AHCYL2: variants seen among roughly 807,000 people sequenced by gnomAD.
AHCYL2 encodes the protein S-adenosylhomocysteine hydrolase-like protein 2.
A neutral mutation model predicts 81.4 loss-of-function variants in AHCYL2; 28 were observed. The ratio of observed to expected loss-of-function variants is 0.34; its 90% CI spans 0.25 to 0.47. AHCYL2 has a LOEUF of 0.47. Ranked by LOEUF, AHCYL2 falls within the 20% of genes least tolerant of loss-of-function variation. The pLI, the probability that AHCYL2 is intolerant of heterozygous loss-of-function variation, is 1.00. For missense variants in AHCYL2, 551 were observed against 785.1 expected (o/e 0.70, Z 3.56); for synonymous variants, 272 against 290.2 (o/e 0.94, Z 0.64).
chr7:129,418,999 G>C (rs1430413213), intron 12 of AHCYL2, among the ~76,000 whole-genome samples: 1 of 152,176 alleles, frequency 6.6e-6, no homozygotes, highest in Admixed American at 6.5e-5. Flanking sequence ...GAATGATTTG[G>C]TAAGTATCGA....
intron 1 of AHCYL2, among the ~76,000 whole-genome samples, chr7:129,257,084 A>C (rs1008055111): frequency 6.6e-6 from 1 of 152,148 alleles, no homozygotes; most frequent in Non-Finnish European, 1.5e-5. Context: ...CCTTTATTTT[A>C]TCTATGAAGA....
At chr7:129,280,971 C>G (rs936685910) in intron 1 of AHCYL2, among the ~76,000 whole-genome samples, 3 of 147,842 alleles carry the variant, frequency 2.0e-5, no homozygotes, top group Non-Finnish European at 3.0e-5. Context: ...TCAAGTGATT[C>G]TCCTACCTCA....
intron 1 of AHCYL2, among the ~76,000 whole-genome samples, chr7:129,233,855 G>T (rs1313727750): frequency 6.6e-6 from 1 of 151,986 alleles, no homozygotes; most frequent in Admixed American, 6.6e-5. Context: ...TATAAAAATG[G>T]AAGCTGCTGA....
chr7:129,321,766 G>GTTTTTTTTT (rs1315391980), intron 1 of AHCYL2, among the ~76,000 whole-genome samples: 5 of 107,468 alleles, frequency 4.7e-5, no homozygotes, highest in East Asian at 2.9e-4. Flanking sequence ...TTTTTTTTTG[G>GTTTTTTTTT]TCTTGGTTTT....
chr7:129,396,570 C>A (rs186194771), intron 4 of AHCYL2, among the ~76,000 whole-genome samples: 1 of 152,032 alleles, frequency 6.6e-6, no homozygotes, highest in South Asian at 2.1e-4. Context: ...TACAGGCATG[C>A]GCCACCATGC....
At chr7:129,360,117 TA>T (rs1482092159) in intron 1 of AHCYL2, among the ~76,000 whole-genome samples, 4 of 135,172 alleles carry the variant, frequency 3.0e-5, no homozygotes, top group East Asian at 4.4e-4. Context: ...TTTTTAATTT[TA>T]ATTTTTTTTT....
At chr7:129,239,147 G>C (rs572344662) in intron 1 of AHCYL2, among the ~76,000 whole-genome samples, 1 of 152,254 alleles carries the variant, frequency 6.6e-6, no homozygotes, top group Non-Finnish European at 1.5e-5. Flanking sequence ...TCTGATAAAC[G>C]TGTAAATCAG....
At chr7:129,246,562 A>C (rs1795065390) in intron 1 of AHCYL2, among the ~76,000 whole-genome samples, 1 of 152,134 alleles carries the variant, frequency 6.6e-6, no homozygotes. Flanking sequence ...CCATGCTGTG[A>C]ACTCGGCTCA....
chr7:129,225,981 C>T (rs575262193), intron 1 of AHCYL2, among the ~76,000 whole-genome samples: 21 of 152,162 alleles, frequency 1.4e-4, no homozygotes, highest in Non-Finnish European at 2.6e-4. Context: ...ATGCTGTGCC[C>T]TTCATTTCCA....
In AHCYL2 at chr7:129,403,394, G is replaced by A. The variant is rs1172198111; in HGVS notation, c.934G>A (p.Gly312Arg). The A allele has an allele frequency of 1.2e-6, 2 of 1,607,610 alleles. No individual in the cohort carries two copies. The highest frequency in any genetic ancestry group is 1.1e-5 in the South Asian group (1 of 90,284). ...WQPNMILDDG[G>R]DLTHWIYKKY... is the part of the protein sequence containing the mutation. ...ACTATTGCAGATCTTGGATGATGGA[G>A]GGGATCTTACCCACTGGATTTATAA... The change falls in exon 7 of 17, where the codon GGG becomes AGG. Residue 312 changes from glycine to arginine, a missense_variant. Gly to Arg is a moderately radical substitution (Grantham distance 125). This residue lies in a region of AHCYL2 where 316 missense variants were observed against 543.1 expected (regional missense o/e 0.58). Coordinates refer to ENST00000325006, the MANE Select transcript of AHCYL2 (RefSeq NM_015328.4).
chr7:129,423,811 C>G (rs1797229018), intron 13 of AHCYL2, among the ~76,000 whole-genome samples: 1 of 151,970 alleles, frequency 6.6e-6, no homozygotes, highest in Admixed American at 6.6e-5. Context: ...CTCACTTTAT[C>G]TCATCTTCTC....
chr7:129,258,033 A>G (rs915355586), intron 1 of AHCYL2, among the ~76,000 whole-genome samples: 5 of 152,232 alleles, frequency 3.3e-5, no homozygotes, highest in Non-Finnish European at 7.3e-5. Flanking sequence ...ACACAAATGT[A>G]AAACTTCATT....
In AHCYL2 at chr7:129,403,467, G is replaced by A. The variant is rs1796126752; in HGVS notation, c.1007G>A (p.Ser336Asn). 1 of 1,607,520 alleles carries A rather than the reference G, an allele frequency of 6.2e-7. No individual in the cohort carries two copies. The highest frequency in any genetic ancestry group is 1.3e-5 in the African/African-American group (1 of 74,496). ...AAAATCAAGGGCATAGTAGAGGAGA[G>A]TGTTACTGGAGTTCACAGGTAAGAT... Reference protein sequence around the residue: ...FKKIKGIVEESVTGVHRLYQL... With the variant: ...FKKIKGIVEENVTGVHRLYQL... The change falls in exon 7 of 17, where the codon AGT becomes AAT. Residue 336 changes from serine (S) to asparagine (N), a missense_variant. Transcript: ENST00000325006.
intron 1 of AHCYL2, among the ~76,000 whole-genome samples, chr7:129,231,738 G>A (rs549315649): frequency 6.6e-6 from 1 of 152,256 alleles, no homozygotes; most frequent in African/African-American, 2.4e-5. Flanking sequence ...TATGGCCTGC[G>A]ATTTGGTGAG....
intron 10 of AHCYL2, 40 bp from the exon 11 acceptor site, chr7:129,409,435 GC>G: frequency 6.4e-7 from 1 of 1,557,138 alleles, no homozygotes; most frequent in Non-Finnish European, 8.8e-7. Flanking sequence ...AGGCTCCCCA[GC>G]TGCCTGTTTA....
chr7:129,330,509 C>T (rs1005767854), intron 1 of AHCYL2, among the ~76,000 whole-genome samples: 3 of 143,672 alleles, frequency 2.1e-5, no homozygotes, highest in Admixed American at 7.1e-5. Flanking sequence ...CTCACTCTGT[C>T]GTCCAGGCTG....
intron 10 of AHCYL2, 60 bp from the exon 11 acceptor site, chr7:129,409,416 T>C: frequency 7.5e-7 from 1 of 1,332,400 alleles, no homozygotes; most frequent in Non-Finnish European, 1.1e-6. Flanking sequence ...TTTGAAGTCC[T>C]GTGTTAAAAG....
chr7:129,245,351 A>G (rs1047257693), intron 1 of AHCYL2, among the ~76,000 whole-genome samples: 1 of 152,210 alleles, frequency 6.6e-6, no homozygotes, highest in African/African-American at 2.4e-5. Context: ...GGTAAAATAT[A>G]TATAACATGC....
At chr7:129,330,941 A>G (rs781425238) in intron 1 of AHCYL2, among the ~76,000 whole-genome samples, 1 of 152,228 alleles carries the variant, frequency 6.6e-6, no homozygotes, top group African/African-American at 2.4e-5. Flanking sequence ...TTAGGCTTGC[A>G]TAAATAAAAA....
Sources: gnomAD v4.1 joint callset for allele counts (sites outside exome capture counted in the v4.1 genomes callset) on GRCh38, gnomAD v4.1.1 for gene constraint, gnomAD v4.1.1 regional missense constraint, MANE v1.5 for transcripts, NCBI Gene and HGNC (gene_info 2026-07-23, HGNC 2026-07-21) for gene names.